Variants in DCLK1 observed in about 807,000 individuals in gnomAD.
DCLK1 encodes the protein doublecortin like kinase 1, also known as serine/threonine-protein kinase DCLK1.
Under a neutral mutation model 86.2 loss-of-function variants are expected in DCLK1, and 16 were observed. The ratio of observed to expected loss-of-function variants is 0.19; its 90% CI spans 0.13 to 0.28. The LOEUF (loss-of-function observed/expected upper bound fraction) is 0.28. Ranked by LOEUF, DCLK1 falls within the 10% of genes least tolerant of loss-of-function variation. The probability of loss-of-function intolerance (pLI) is 1.00; values close to 1 mark genes in which losing one functional copy is unlikely to be tolerated. For missense variants in DCLK1, 590 were observed against 940.2 expected (o/e 0.63, Z 4.87); for synonymous variants, 369 against 370.5 (o/e 1.00, Z 0.05).
chr13:36,090,208 C>T (rs1884769300), intron 3 of DCLK1, among the ~76,000 whole-genome samples: 1 of 152,148 alleles, frequency 6.6e-6, no homozygotes, highest in African/African-American at 2.4e-5. Flanking sequence ...AAATAGTTTT[C>T]TTTGGGTCTG....
At chr13:36,121,808 C>A (rs1267592273) in intron 2 of DCLK1, among the ~76,000 whole-genome samples, 1 of 152,046 alleles carries the variant, frequency 6.6e-6, no homozygotes, top group African/African-American at 2.4e-5. Context: ...CTGAGAGGAC[C>A]CTCAAGAAAC....
intron 4 of DCLK1, among the ~76,000 whole-genome samples, chr13:35,906,752 G>A (rs375791130): frequency 6.6e-6 from 1 of 152,160 alleles, no homozygotes; most frequent in African/African-American, 2.4e-5. Context: ...CAATGACATG[G>A]CCAGGGTGAG....
chr13:36,059,020 C>A (rs971319584), intron 3 of DCLK1, among the ~76,000 whole-genome samples: 1 of 152,160 alleles, frequency 6.6e-6, no homozygotes. Context: ...AAAAATTCCA[C>A]CTGCAAAACG....
At chr13:35,877,327 C>G (rs1210506925) in intron 4 of DCLK1, among the ~76,000 whole-genome samples, 2 of 152,176 alleles carry the variant, frequency 1.3e-5, no homozygotes, top group Admixed American at 1.3e-4. Flanking sequence ...TCCCCCCACT[C>G]AGAAACAGTT....
intron 16 of DCLK1, chr13:35,787,955 T>C (rs546925779): frequency 2.1e-6 from 1 of 469,946 alleles, no homozygotes; most frequent in African/African-American, 2.0e-5. Context: ...AAATATACTG[T>C]CCTTTTAACC....
chr13:35,796,688 T>C (rs1436200274), intron 15 of DCLK1, among the ~76,000 whole-genome samples: 2 of 152,168 alleles, frequency 1.3e-5, no homozygotes, highest in Admixed American at 1.3e-4. Flanking sequence ...TAGAAAGTGG[T>C]TGAGTCAGCA....
In DCLK1 at chr13:35,805,388, C is replaced by G. The variant is rs2087003743; in HGVS notation, c.1944+311G>C. 3 of 273,852 alleles carry G rather than the reference C, an allele frequency of 1.1e-5. No homozygotes were observed. In the South Asian group the frequency reaches 3.7e-4, roughly 34 times the overall value. The allele number at this position is 273,852 out of a possible 1,614,324, so 17.0% of individuals were successfully genotyped here. ...CTTGGCTTACTACCACCTCTGGTTT[C>G]CAGGGTCAAGCAATCCTACCACCTC... On this transcript the variant is annotated intron_variant, in intron 15 of 16. Transcript: ENST00000360631.
At chr13:36,044,336 T>G (rs1009371866) in intron 3 of DCLK1, among the ~76,000 whole-genome samples, 6 of 152,170 alleles carry the variant, frequency 3.9e-5, no homozygotes. Context: ...CAAAATGGAC[T>G]AACACACTCA....
At chr13:35,958,670 A>C (rs1269376786) in intron 3 of DCLK1, among the ~76,000 whole-genome samples, 1 of 152,226 alleles carries the variant, frequency 6.6e-6, no homozygotes, top group African/African-American at 2.4e-5. Context: ...TTGTCTCTTG[A>C]GTGTTCTGTG....
chr13:36,025,403 A>G (rs777265833), intron 3 of DCLK1, among the ~76,000 whole-genome samples: 8 of 152,314 alleles, frequency 5.3e-5, no homozygotes, highest in Admixed American at 1.3e-4. Context: ...TTGAAAACCT[A>G]TGGCCACACA....
intron 3 of DCLK1, among the ~76,000 whole-genome samples, chr13:36,103,692 T>C (rs2138169223): frequency 6.6e-6 from 1 of 152,322 alleles, no homozygotes; most frequent in South Asian, 2.1e-4. Context: ...TTTCATTTAA[T>C]TTAGTTTCAA....
chr13:35,983,072 C>G (rs1310356561), intron 3 of DCLK1, among the ~76,000 whole-genome samples: 1 of 151,994 alleles, frequency 6.6e-6, no homozygotes, highest in Non-Finnish European at 1.5e-5. Context: ...CCATGAATTG[C>G]TTTTTGGTCT....
intron 8 of DCLK1, among the ~76,000 whole-genome samples, chr13:35,835,298 C>A (rs1479385926): frequency 1.3e-5 from 2 of 152,070 alleles, no homozygotes; most frequent in African/African-American, 4.8e-5. Context: ...GAGGCAAGTT[C>A]CCCCAACTTT....
intron 3 of DCLK1, among the ~76,000 whole-genome samples, chr13:36,045,011 T>C (rs1033518796): frequency 1.3e-5 from 2 of 151,814 alleles, no homozygotes; most frequent in African/African-American, 4.8e-5. Context: ...ATATATACCT[T>C]ATAATAAAAT....
At chr13:36,114,119 T>C (rs1885701299) in intron 2 of DCLK1, among the ~76,000 whole-genome samples, 1 of 152,160 alleles carries the variant, frequency 6.6e-6, no homozygotes, top group Non-Finnish European at 1.5e-5. Flanking sequence ...ACAAAAACTT[T>C]AAAAATATAT....
intron 15 of DCLK1, among the ~76,000 whole-genome samples, chr13:35,799,059 T>C (rs536090653): frequency 7.2e-4 from 110 of 152,360 alleles, no homozygotes; most frequent in African/African-American, 2.2e-3. Context: ...ATTTGATTTA[T>C]TTAAACCAGT....
chr13:36,051,257 T>C (rs1365176100), intron 3 of DCLK1, among the ~76,000 whole-genome samples: 1 of 152,180 alleles, frequency 6.6e-6, no homozygotes, highest in African/African-American at 2.4e-5. Flanking sequence ...ATTTTTTGCC[T>C]ATCTGGTCAT....
At chr13:35,954,478 G>A (rs1877872712) in intron 3 of DCLK1, among the ~76,000 whole-genome samples, 1 of 152,042 alleles carries the variant, frequency 6.6e-6, no homozygotes, top group Admixed American at 6.6e-5. Context: ...GAATTTTTCT[G>A]TCCTATAATC....
At chr13:35,975,668 G>C (rs2153140418) in intron 3 of DCLK1, among the ~76,000 whole-genome samples, 1 of 152,072 alleles carries the variant, frequency 6.6e-6, no homozygotes, top group Non-Finnish European at 1.5e-5. Flanking sequence ...GTTTTCCCTA[G>C]GAAATCTTGG....
Sources: allele counts gnomAD v4.1 joint callset (sites outside exome capture counted in the v4.1 genomes callset), GRCh38; gene constraint gnomAD v4.1.1; transcripts MANE v1.5; gene names NCBI Gene and HGNC (gene_info 2026-07-23, HGNC 2026-07-21).